The following DNAJC25 variants were observed in gnomAD, a reference collection of about 807,000 sequenced individuals.
DNAJC25 encodes the protein DnaJ heat shock protein family (Hsp40) member C25, also known as dnaJ homolog subfamily C member 25.
DNAJC25 carries 26 observed loss-of-function variants against 42.1 expected under a neutral mutation model. That is an observed-to-expected ratio of 0.62 (90% CI 0.45 to 0.86). The LOEUF is 0.86. Among genes scored for constraint, DNAJC25 ranks in the 40% least tolerant of loss-of-function variants. The pLI, the probability that DNAJC25 is intolerant of heterozygous loss-of-function variation, is 0.00. For synonymous variants in DNAJC25, 189 were observed against 179.9 expected, an observed-to-expected ratio of 1.05 and a Z score of -0.40; for missense variants, 404 against 459.4, an observed-to-expected ratio of 0.88 and a Z score of 1.10.
At position 111,631,592 on chromosome 9, in the gene DNAJC25, A is replaced by T; in HGVS notation, c.185A>T (p.Lys62Met). The T allele has an allele frequency of 6.8e-7, 1 of 1,472,042 alleles. No homozygotes were observed. Among genetic ancestry groups the T allele is most frequent in the Non-Finnish European group, 8.9e-7 (1 of 1,119,932 alleles). The allele number at this position is 1,472,042 out of a possible 1,614,324, so 91.2% of individuals were successfully genotyped here. The part of the protein sequence containing the change: ...EVLGVSRSAG[K>M]AEIARAYRQL... ...CTGGGCGTGAGCCGCTCGGCGGGCA[A>T]GGCGGAGATCGCGCGGGCCTACCGC... is the stretch of plus-strand genomic sequence containing the variant. The change falls in exon 1 of 4, where the codon AAG becomes ATG. Residue 62 changes from lysine to methionine, a missense_variant. Coordinates refer to ENST00000313525, the MANE Select transcript of DNAJC25 (RefSeq NM_001015882.3).
chr9:111,649,584 CAAA>C lies in DNAJC25; in HGVS notation c.624_626del (p.Lys209del). On this transcript the variant is annotated inframe_deletion, in exon 3 of 4. Transcript: ENST00000313525. ...AAAAAGCCAAAGAAAAAGGCAAAAA[CAAA>C]AAGTCCAAAGAAGAAATTCGTGACG... 1 of 1,613,930 alleles carries C rather than the reference CAAA, an allele frequency of 6.2e-7. No homozygotes were observed. Among genetic ancestry groups the C allele is most frequent in the Non-Finnish European group, 8.5e-7 (1 of 1,179,958 alleles).
chr9:111,633,631 T>A (rs1830320456), intron 1 of DNAJC25, among the ~76,000 whole-genome samples: 1 of 150,850 alleles, frequency 6.6e-6, no homozygotes, highest in Non-Finnish European at 1.5e-5. Context: ...TTTGTAGGAG[T>A]GGAGATGAGT....
At chr9:111,652,991 TG>T in intron 3 of DNAJC25, 108 bp from the exon 4 acceptor site, 1 of 1,209,984 alleles carries the variant, frequency 8.3e-7, no homozygotes, top group Non-Finnish European at 1.1e-6. Context: ...ATACATTCAC[TG>T]GAAACTTTTT....
At chr9:111,637,832 G>A (rs1012051812) in intron 1 of DNAJC25, among the ~76,000 whole-genome samples, 2 of 152,162 alleles carry the variant, frequency 1.3e-5, no homozygotes, top group African/African-American at 4.8e-5. Context: ...CTTCCTTGAC[G>A]TGATCTTTGT....
intron 1 of DNAJC25, among the ~76,000 whole-genome samples, chr9:111,637,303 C>T (rs948400490): frequency 2.6e-5 from 4 of 152,096 alleles, no homozygotes; most frequent in African/African-American, 2.4e-5. Context: ...GTTCAGGAAT[C>T]GGAACTTTAT....
intron 1 of DNAJC25, among the ~76,000 whole-genome samples, chr9:111,637,709 A>G (rs969710318): frequency 2.0e-5 from 3 of 151,852 alleles, no homozygotes; most frequent in African/African-American, 7.3e-5. Context: ...GAACAGTGAC[A>G]CTCTACTCAC....
Position 111,647,260 on chromosome 9 carries a change from G to T in DNAJC25, c.489+1G>T, listed in dbSNP as rs1475479637. On this transcript the variant is annotated splice_donor_variant, in intron 2 of 3. Transcript: ENST00000313525. LOFTEE classifies it high-confidence loss of function. Reference sequence around the variant, plus strand: ...CGTGTGTGCTATTTCGGTGTTTCAGGTATGTATCAATGGATATTTTTATCT... The same window carrying T: ...CGTGTGTGCTATTTCGGTGTTTCAGTTATGTATCAATGGATATTTTTATCT... 6.2e-7 allele frequency: 1 copy of T among 1,614,006 alleles called. No individual in the cohort carries two copies. Among genetic ancestry groups the T allele is most frequent in the South Asian group, 1.1e-5 (1 of 91,040 alleles).
intron 3 of DNAJC25, 38 bp downstream of exon 3, chr9:111,649,961 C>A: frequency 7.3e-6 from 11 of 1,499,182 alleles, no homozygotes; most frequent in Non-Finnish European, 8.9e-6. Context: ...GTGTCATCCA[C>A]CTGACCAAGT....
chr9:111,649,813 T>C lies in DNAJC25; in HGVS notation c.850T>C (p.Tyr284His). 12 of 1,613,890 alleles carry C rather than the reference T, an allele frequency of 7.4e-6. No homozygotes were observed. The highest frequency in any genetic ancestry group is 1.0e-5 in the Non-Finnish European group (12 of 1,179,916). The part of the protein sequence containing the change: ...GKEYGEEERL[Y>H]IIRKSMKMSK... ...AGAATATGGAGAGGAAGAGAGATTATACATTATACGTAAATCTATGAAGAT... is the reference window on the plus strand; with the variant it reads ...AGAATATGGAGAGGAAGAGAGATTACACATTATACGTAAATCTATGAAGAT... Residue 284 changes from tyrosine (Y) to histidine (H), a missense_variant, in exon 3 of 4, where the codon TAC becomes CAC. Tyr to His is a moderately conservative substitution (Grantham distance 83). Transcript: ENST00000313525.
chr9:111,641,651 A>C (rs1830469972), intron 1 of DNAJC25, among the ~76,000 whole-genome samples: 1 of 123,460 alleles, frequency 8.1e-6, no homozygotes, highest in Non-Finnish European at 1.7e-5. Context: ...CCGCCCGGCC[A>C]GCCGCCCCGT....
At position 111,649,618 on chromosome 9, in the gene DNAJC25, G is replaced by A. The variant is rs769980083; in HGVS notation, c.655G>A (p.Glu219Lys). The change falls in exon 3 of 4, where the codon GAG (glutamate) becomes AAG (lysine). Residue 219 changes from glutamate (E) to lysine (K), a missense_variant. By Grantham distance (56) the Glu-to-Lys change is moderately conservative (BLOSUM62 1). Transcript: ENST00000313525. ...KSKEEIRDEE[E>K]NIIKNIIKSK... is the part of the protein sequence containing the mutation. Reference sequence around the variant, plus strand: ...CAAAGAAGAAATTCGTGACGAGGAGGAGAACATCATAAAGAACATTATAAA... The same window carrying A: ...CAAAGAAGAAATTCGTGACGAGGAGAAGAACATCATAAAGAACATTATAAA... 6.2e-7 allele frequency: 1 copy of A among 1,614,110 alleles called. No homozygotes were observed. The highest frequency in any genetic ancestry group is 1.1e-5 in the South Asian group (1 of 91,072).
At chr9:111,649,037 A>G (rs1355710395) in intron 2 of DNAJC25, among the ~76,000 whole-genome samples, 1 of 152,208 alleles carries the variant, frequency 6.6e-6, no homozygotes, top group Non-Finnish European at 1.5e-5. Flanking sequence ...AGTTTTTTAA[A>G]CAAATTCCTC....
At chr9:111,643,616 G>A (rs1449471664) in intron 1 of DNAJC25, among the ~76,000 whole-genome samples, 1 of 152,098 alleles carries the variant, frequency 6.6e-6, no homozygotes, top group African/African-American at 2.4e-5. Context: ...TTTGCTATGG[G>A]TAAAAGAGGG....
chr9:111,649,067 T>A (rs1830608468), intron 2 of DNAJC25, among the ~76,000 whole-genome samples: 1 of 152,180 alleles, frequency 6.6e-6, no homozygotes, highest in Non-Finnish European at 1.5e-5. Context: ...ATTTTGCCAT[T>A]TAACTCTTTC....
intron 1 of DNAJC25, among the ~76,000 whole-genome samples, chr9:111,637,583 AC>A (rs1183553303): frequency 1.3e-5 from 2 of 152,120 alleles, no homozygotes; most frequent in African/African-American, 2.4e-5. Context: ...AACTACACTT[AC>A]ATTTTTTCCT....
At chr9:111,646,848 T>A (rs1830574170) in intron 1 of DNAJC25, among the ~76,000 whole-genome samples, 1 of 152,210 alleles carries the variant, frequency 6.6e-6, no homozygotes, top group South Asian at 2.1e-4. Flanking sequence ...TAATAAGTGT[T>A]TTTATTTTTC....
In DNAJC25 at chr9:111,650,439, G is replaced by C. The variant is rs572747433; in HGVS notation, c.960+516G>C. Among the ~76,000 whole-genome samples, 3 of 152,108 alleles carry C rather than the reference G, an allele frequency of 2.0e-5. No individual in the cohort carries two copies. In the South Asian group the frequency reaches 6.2e-4, roughly 32 times the overall value. The stretch of plus-strand genomic sequence containing the variant: ...TTTTGTTTTACTTTTAAATTAAATC[G>C]AATTACTGTAATGCCTCTAAACTTT... On this transcript the variant is annotated intron_variant, in intron 3 of 3. Transcript: ENST00000313525.
chr9:111,635,339 G>C (rs1330851783), intron 1 of DNAJC25, among the ~76,000 whole-genome samples: 4 of 152,342 alleles, frequency 2.6e-5, no homozygotes, highest in South Asian at 4.1e-4. Flanking sequence ...CATTCAGATA[G>C]AATGGAAATG....
chr9:111,641,744 C>CA (rs1830473656), intron 1 of DNAJC25, among the ~76,000 whole-genome samples: 1 of 82,292 alleles, frequency 1.2e-5, no homozygotes, highest in Non-Finnish European at 2.8e-5. Flanking sequence ...TCTGCCCGGC[C>CA]GCCCCTACTG....
Sources: allele counts gnomAD v4.1 joint callset (sites outside exome capture counted in the v4.1 genomes callset), GRCh38; gene constraint gnomAD v4.1.1; transcripts MANE v1.5; gene names NCBI Gene and HGNC (gene_info 2026-07-23, HGNC 2026-07-21).